SLC49A4: variants seen among roughly 807,000 people sequenced by gnomAD.
The protein encoded by SLC49A4 is disrupted in renal cancer protein 2.
Under a neutral mutation model 50.6 loss-of-function variants are expected in SLC49A4, and 36 were observed. The ratio of observed to expected loss-of-function variants is 0.71; its 90% CI spans 0.55 to 0.94. The LOEUF (loss-of-function observed/expected upper bound fraction) is 0.94, where lower values mean the gene tolerates loss of function less well. Ranked by LOEUF, SLC49A4 falls within the 40% of genes least tolerant of loss-of-function variation. The pLI is 0.00. For missense variants in SLC49A4, 503 were observed against 605.7 expected, an observed-to-expected ratio of 0.83 and a Z score of 1.78; for synonymous variants, 248 against 241.2, an observed-to-expected ratio of 1.03 and a Z score of -0.26.
chr3:122,806,956 T>A lies in SLC49A4; in HGVS notation c.437+6T>A. 6.6e-7 allele frequency: 1 copy of A among 1,518,906 alleles called. No individual in the cohort carries two copies. Among genetic ancestry groups the A allele is most frequent in the Non-Finnish European group, 9.1e-7 (1 of 1,099,828 alleles). The allele number at this position is 1,518,906 out of a possible 1,614,324, so 94.1% of individuals were successfully genotyped here. A position where few individuals can be genotyped will look rare whatever the true frequency, so the allele number is the denominator to read the frequency against. On this transcript the variant is annotated splice_donor_region_variant and intron_variant, in intron 2 of 8. Transcript: ENST00000261038. ...GACTTAATCCTTAAAAGAAGGTAAA[T>A]CCTGTAAATAACATTTCTCCCCCAT...
intron 2 of SLC49A4, among the ~76,000 whole-genome samples, chr3:122,822,792 C>T (rs1294313643): frequency 1.3e-5 from 2 of 152,124 alleles, no homozygotes; most frequent in Non-Finnish European, 2.9e-5. Flanking sequence ...TCTTCCCCAC[C>T]CCAATCCACC....
intron 5 of SLC49A4, among the ~76,000 whole-genome samples, chr3:122,852,789 A>G (rs189407423): frequency 4.7e-4 from 71 of 152,296 alleles, no homozygotes; most frequent in African/African-American, 1.4e-3. Flanking sequence ...GAGGCTGTCA[A>G]TAACTTCTCA....
chr3:122,863,529 G>C (rs959060057), intron 7 of SLC49A4, among the ~76,000 whole-genome samples: 1 of 152,172 alleles, frequency 6.6e-6, no homozygotes, highest in Admixed American at 6.5e-5. Context: ...ATATGTCACA[G>C]ATACCCTTAC....
intron 2 of SLC49A4, among the ~76,000 whole-genome samples, chr3:122,817,718 C>G (rs924707607): frequency 2.0e-5 from 3 of 147,456 alleles, no homozygotes; most frequent in Non-Finnish European, 3.0e-5. Flanking sequence ...GTACCTGGAA[C>G]TACAGGCATG....
intron 4 of SLC49A4, among the ~76,000 whole-genome samples, chr3:122,836,424 G>A (rs113892683): frequency 0.014 from 2,168 of 151,892 alleles, 58 homozygotes; most frequent in African/African-American, 0.05. Flanking sequence ...TTTTTGCATC[G>A]ATGTTCATCA....
At chr3:122,804,008 G>T (rs765703630) in intron 1 of SLC49A4, among the ~76,000 whole-genome samples, 2 of 152,116 alleles carry the variant, frequency 1.3e-5, no homozygotes, top group African/African-American at 4.8e-5. Flanking sequence ...AATCTGTTAG[G>T]CAGTTCCTAC....
intron 5 of SLC49A4, among the ~76,000 whole-genome samples, chr3:122,846,315 T>C (rs1443932193): frequency 6.6e-6 from 1 of 152,162 alleles, no homozygotes; most frequent in East Asian, 1.9e-4. Context: ...CCATTCCTTC[T>C]CTTTGCTTCC....
intron 7 of SLC49A4, among the ~76,000 whole-genome samples, chr3:122,860,483 A>G (rs1010321080): frequency 1.3e-5 from 2 of 152,252 alleles, no homozygotes; most frequent in African/African-American, 2.4e-5. Context: ...CTATCAGAGC[A>G]TAATACAAAG....
chr3:122,877,185 T>C (rs908979095), intron 8 of SLC49A4, among the ~76,000 whole-genome samples: 4 of 152,196 alleles, frequency 2.6e-5, no homozygotes, highest in Non-Finnish European at 5.9e-5. Context: ...TTTCCTTGCT[T>C]ATTAGAGCAC....
chr3:122,866,403 C>G (rs6763727), intron 7 of SLC49A4, among the ~76,000 whole-genome samples: 130,879 of 152,076 alleles, frequency 0.86, 57,255 homozygotes, highest in Non-Finnish European at 0.95. Flanking sequence ...ATTTGTTATT[C>G]ATCTACTTAA....
chr3:122,869,223 A>ACC lies in SLC49A4; in HGVS notation c.1139-3185_1139-3184dup, dbSNP rs5852316. ...AGTGAAAAGTCTCTACTCTCCTGTGACCCCCCCCAGTTTTCCTCTCTAAAG... is the reference window on the plus strand; with the variant it reads ...AGTGAAAAGTCTCTACTCTCCTGTGACCCCCCCCCCAGTTTTCCTCTCTAAAG... On this transcript the variant is annotated intron_variant, in intron 7 of 8. Coordinates refer to ENST00000261038, the MANE Select transcript of SLC49A4 (RefSeq NM_032839.3). Among the ~76,000 whole-genome samples, 432 of 150,874 alleles carry ACC rather than the reference A, an allele frequency of 2.9e-3. 2 individuals carry two copies. Among genetic ancestry groups the ACC allele is most frequent in the South Asian group, 9.9e-3 (47 of 4,770 alleles).
chr3:122,839,603 G>C (rs939031307), intron 4 of SLC49A4, among the ~76,000 whole-genome samples: 7 of 151,920 alleles, frequency 4.6e-5, no homozygotes, highest in Non-Finnish European at 1.0e-4. Context: ...TTTCTCAGAA[G>C]AAGACATACA....
At chr3:122,863,085 T>G (rs1937076340) in intron 7 of SLC49A4, among the ~76,000 whole-genome samples, 2 of 152,184 alleles carry the variant, frequency 1.3e-5, no homozygotes, top group South Asian at 4.1e-4. Context: ...ACCACAGAAT[T>G]TATAAGTTCT....
At chr3:122,826,260 G>C (rs1198479877) in intron 2 of SLC49A4, among the ~76,000 whole-genome samples, 1 of 152,146 alleles carries the variant, frequency 6.6e-6, no homozygotes, top group Non-Finnish European at 1.5e-5. Context: ...TCCACCATTT[G>C]GCAAAGAGTG....
intron 8 of SLC49A4, 127 bp downstream of exon 8, chr3:122,872,724 C>G: frequency 1.6e-6 from 1 of 612,284 alleles, no homozygotes; most frequent in Non-Finnish European, 2.6e-6. Context: ...ACTTCCATTG[C>G]CAGTAAAAGA....
chr3:122,813,412 GA>G (rs1936326316), intron 2 of SLC49A4, among the ~76,000 whole-genome samples: 1 of 151,974 alleles, frequency 6.6e-6, no homozygotes, highest in African/African-American at 2.4e-5. Flanking sequence ...ACATCATACA[GA>G]GAAGTATATA....
At chr3:122,833,098 TG>T (rs932000152) in intron 3 of SLC49A4, among the ~76,000 whole-genome samples, 14 of 151,976 alleles carry the variant, frequency 9.2e-5, no homozygotes, top group South Asian at 4.2e-4. Flanking sequence ...AAAATTAGCC[TG>T]GTATGGTGGC....
chr3:122,856,124 A>C (rs1414060051), intron 5 of SLC49A4, among the ~76,000 whole-genome samples, 183 bp from the exon 6 acceptor site: 3 of 152,230 alleles, frequency 2.0e-5, no homozygotes, highest in African/African-American at 7.2e-5. Flanking sequence ...TTTTGTTTTC[A>C]ATATTCCAAT....
chr3:122,859,980 G>A, intron 6 of SLC49A4, 95 bp from the exon 7 acceptor site: 2 of 1,093,608 alleles, frequency 1.8e-6, no homozygotes, highest in Non-Finnish European at 2.5e-6. Flanking sequence ...AGAATATATG[G>A]AAAATTCCTC....
Sources: allele counts gnomAD v4.1 joint callset (sites outside exome capture counted in the v4.1 genomes callset), GRCh38; gene constraint gnomAD v4.1.1; transcripts MANE v1.5; gene names NCBI Gene and HGNC (gene_info 2026-07-23, HGNC 2026-07-21).